Variants in PCM1 observed in about 807,000 individuals in gnomAD.
PCM1 encodes pericentriolar material 1 protein.
In PCM1, 157 loss-of-function variants were observed where a neutral mutation model predicts 241.9. The observed-to-expected ratio is 0.65, with a 90% CI of 0.57 to 0.74. PCM1 has a LOEUF of 0.74. Ranked by LOEUF, PCM1 falls within the 30% of genes least tolerant of loss-of-function variation. PCM1 has a pLI of 0.00. For missense variants in PCM1, 3,478 were observed against 2,360.1 expected (o/e 1.47, Z -9.81); for synonymous variants, 1,085 against 784.9 (o/e 1.38, Z -6.39).
In PCM1 at chr8:18,011,386, A is replaced by G. The variant is rs1225365209; in HGVS notation, c.5350+20A>G. The G allele has an allele frequency of 2.0e-6, 3 of 1,532,558 alleles. No individual in the cohort carries two copies. The highest frequency in any genetic ancestry group is 2.6e-6 in the Non-Finnish European group (3 of 1,146,320). 94.9% of individuals were successfully genotyped at this position (1,532,558 alleles called of 1,614,324 possible). On this transcript the variant is annotated intron_variant, in intron 33 of 38. Transcript: ENST00000325083. ...CTATTAGTAAGTTTAAAGGCTCTGT[A>G]CTATCTTTATACTTTAGTTTTTTGT... is the stretch of plus-strand genomic sequence containing the variant.
chr8:17,980,680 A>G lies in PCM1; in HGVS notation c.4033A>G (p.Lys1345Glu), dbSNP rs2080404194. 6.2e-7 allele frequency: 1 copy of G among 1,613,446 alleles called. No homozygotes were observed. The highest frequency in any genetic ancestry group is 8.5e-7 in the Non-Finnish European group (1 of 1,179,546). ...CCAGACTGAAGAGCCTGTTCAAGCA[A>G]AAGTATTCAGCAGAAAGAATCATGA... is the stretch of plus-strand genomic sequence containing the variant. ...SAQTEEPVQA[K>E]VFSRKNHEQL... Residue 1345 changes from lysine (K) to glutamate (E), a missense_variant, in exon 24 of 39, where the codon AAA becomes GAA. Lys to Glu is a moderately conservative substitution (Grantham distance 56). Coordinates refer to ENST00000325083, the MANE Select transcript of PCM1 (RefSeq NM_006197.4).
At chr8:18,009,791 C>T (rs949809388) in intron 31 of PCM1, 47 bp downstream of exon 31, 1 of 1,160,306 alleles carries the variant, frequency 8.6e-7, no homozygotes, top group South Asian at 2.4e-5. Context: ...CACATAAATA[C>T]AGTTCTTGAT....
Position 17,991,617 on chromosome 8 carries a change from G to A in PCM1, c.4607G>A (p.Ser1536Asn), listed in dbSNP as rs932619517. 2.5e-6 allele frequency: 4 copies of A among 1,585,932 alleles called. No homozygotes were observed. The change falls in exon 28 of 39, where the codon AGT becomes AAT. Residue 1536 changes from serine to asparagine, a missense_variant. Coordinates refer to ENST00000325083, the MANE Select transcript of PCM1 (RefSeq NM_006197.4). ...EYERMKTEAE[S>N]NSNMRCTCRI... ...GAGCGTATGAAGACTGAGGCTGAAA[G>A]TAACTCAAATATGAGATGCACCTGC...
At chr8:17,932,827 G>T (rs79828757) in intron 2 of PCM1, among the ~76,000 whole-genome samples, 1 of 151,736 alleles carries the variant, frequency 6.6e-6, no homozygotes. Context: ...TTTAATCTTT[G>T]ACTATTTTGA....
In PCM1 at chr8:17,991,772, G is replaced by C. The variant is rs530577436; in HGVS notation, c.4690+72G>C. On this transcript the variant is annotated intron_variant, in intron 28 of 38. Transcript: ENST00000325083. ...TGGTTACATGAATAAGTTCTTTAGTGGTGATTTCTGAGATTTTGGTGCACC... is the reference window on the plus strand; with the variant it reads ...TGGTTACATGAATAAGTTCTTTAGTCGTGATTTCTGAGATTTTGGTGCACC... 23 of 1,135,804 alleles carry C rather than the reference G, an allele frequency of 2.0e-5. No individual in the cohort carries two copies. In the African/African-American group the frequency reaches 2.3e-4, roughly 12 times the overall value. The allele number at this position is 1,135,804 out of a possible 1,614,324, so 70.4% of individuals were successfully genotyped here.
rs771684191 is a variant in PCM1, at chr8:17,939,728, C to A, written c.650C>A (p.Thr217Asn). Reference protein sequence around the residue: ...SRLVQIRDYITKASSMREDLV... With the variant: ...SRLVQIRDYINKASSMREDLV... ...CTTGTTCAAATTCGCGATTATATTACTAAAGCTAGTTCCATGCGGGAAGAT... is the reference window on the plus strand; with the variant it reads ...CTTGTTCAAATTCGCGATTATATTAATAAAGCTAGTTCCATGCGGGAAGAT... Residue 217 changes from threonine to asparagine, a missense_variant, in exon 6 of 39, where the codon ACT (threonine) becomes AAT (asparagine). Thr to Asn is a moderately conservative substitution (Grantham distance 65). Coordinates refer to ENST00000325083, the MANE Select transcript of PCM1 (RefSeq NM_006197.4). 5 of 1,552,502 alleles carry A rather than the reference C, an allele frequency of 3.2e-6. No homozygotes were observed. Among genetic ancestry groups the A allele is most frequent in the Non-Finnish European group, 4.4e-6 (5 of 1,147,294 alleles).
intron 7 of PCM1, among the ~76,000 whole-genome samples, chr8:17,948,250 A>C (rs2064572624): frequency 6.8e-6 from 1 of 146,710 alleles, no homozygotes; most frequent in African/African-American, 2.5e-5. Context: ...TACCTAATTT[A>C]AGTTTGCATT....
rs556617955 is a variant in PCM1, at chr8:18,009,252, C to G, written c.4963-295C>G. On this transcript the variant is annotated intron_variant, in intron 30 of 38. Transcript: ENST00000325083. ...GTATATATTGTATCTCCTGTACTGT[C>G]AGGGAACTTTCTGGTATTAGAAATC... Among the ~76,000 whole-genome samples the G allele has an allele frequency of 2.6e-5, 4 of 152,232 alleles. No individual in the cohort carries two copies. In the East Asian group the frequency reaches 5.8e-4, roughly 22 times the overall value.
Position 18,011,775 on chromosome 8 carries a change from C to T in PCM1, c.5459C>T (p.Thr1820Ile). 2.5e-6 allele frequency: 4 copies of T among 1,613,746 alleles called. No homozygotes were observed. The highest frequency in any genetic ancestry group is 8.5e-7 in the Non-Finnish European group (1 of 1,179,788). Residue 1820 changes from threonine (T) to isoleucine (I), a missense_variant, in exon 34 of 39, where the codon ACT (threonine) becomes ATT (isoleucine). Coordinates refer to ENST00000325083, the MANE Select transcript of PCM1 (RefSeq NM_006197.4). ...EFEEGPVDVQ[T>I]SLQANTEATE... ...GAAGAAGGCCCTGTGGATGTCCAGA[C>T]TTCCCTCCAGGCTAACACTGAAGCT...
At chr8:18,020,913 A>G (rs1421482632) in intron 36 of PCM1, among the ~76,000 whole-genome samples, 1 of 152,164 alleles carries the variant, frequency 6.6e-6, no homozygotes, top group Non-Finnish European at 1.5e-5. Context: ...AGCTTCTTTC[A>G]GCTATTCTGC....
At position 17,967,113 on chromosome 8, in the gene PCM1, C is replaced by A; in HGVS notation, c.3355C>A (p.Gln1119Lys). 1 of 1,607,038 alleles carries A rather than the reference C, an allele frequency of 6.2e-7. No homozygotes were observed. Among genetic ancestry groups the A allele is most frequent in the East Asian group, 2.2e-5 (1 of 44,782 alleles). Residue 1119 changes from glutamine to lysine, a missense_variant, in exon 21 of 39, where the codon CAG becomes AAG. Transcript: ENST00000325083. ...ATTTTGTCCTTTCAGCTTTCCAACA[C>A]AGCCTGTAAATCTCTTCAATATACC... ...SLFCPFSFPT[Q>K]PVNLFNIPGF...
At chr8:17,978,084 A>G (rs1289090612) in intron 23 of PCM1, among the ~76,000 whole-genome samples, 2 of 152,216 alleles carry the variant, frequency 1.3e-5, no homozygotes, top group East Asian at 3.8e-4. Context: ...TTGAATTATA[A>G]CAAATTCTTT....
At chr8:17,981,523 CAAAG>C (rs557817567) in intron 24 of PCM1, among the ~76,000 whole-genome samples, 161 of 152,114 alleles carry the variant, frequency 1.1e-3, no homozygotes, top group African/African-American at 3.9e-3. Context: ...AAGAGCATCT[CAAAG>C]AAATATGGAG....
At chr8:17,969,802 T>C in intron 22 of PCM1, 54 bp downstream of exon 22, 1 of 1,304,620 alleles carries the variant, frequency 7.7e-7, no homozygotes, top group Non-Finnish European at 1.1e-6. Flanking sequence ...TGTGATTACA[T>C]CTAATTATGT....
chr8:17,939,658 A>C (rs1171155082), intron 5 of PCM1, 33 bp from the exon 6 acceptor site: 3 of 1,361,720 alleles, frequency 2.2e-6, no homozygotes, highest in Non-Finnish European at 3.0e-6. Flanking sequence ...GTGTACTTTC[A>C]TGCTTTTTTT....
intron 17 of PCM1, 120 bp downstream of exon 17, chr8:17,963,411 A>C (rs975537876): frequency 9.4e-6 from 6 of 637,348 alleles, no homozygotes; most frequent in Non-Finnish European, 1.6e-5. Flanking sequence ...CAGTGAGGCT[A>C]CTGTTTAACT....
chr8:17,985,275 T>G (rs976020539), intron 24 of PCM1, among the ~76,000 whole-genome samples, 172 bp from the exon 25 acceptor site: 88 of 151,970 alleles, frequency 5.8e-4, no homozygotes, highest in African/African-American at 2.0e-3. Flanking sequence ...TTTTAAGATT[T>G]TATTTATCTT....
chr8:17,945,918 T>C (rs1044566281), intron 6 of PCM1, among the ~76,000 whole-genome samples: 14 of 152,216 alleles, frequency 9.2e-5, no homozygotes, highest in Non-Finnish European at 1.5e-4. Context: ...AAAAGTGAAA[T>C]ATTTTATGTA....
intron 38 of PCM1, among the ~76,000 whole-genome samples, chr8:18,026,982 C>T (rs574347914): frequency 1.3e-5 from 2 of 152,242 alleles, no homozygotes; most frequent in East Asian, 3.9e-4. Flanking sequence ...GCGATAGTCT[C>T]AGATTTTCTG....
Sources: gnomAD v4.1 joint callset for allele counts (sites outside exome capture counted in the v4.1 genomes callset) on GRCh38, gnomAD v4.1.1 for gene constraint, MANE v1.5 for transcripts, NCBI Gene and HGNC (gene_info 2026-07-23, HGNC 2026-07-21) for gene names.